The following SIL1 variants were observed in gnomAD, a reference collection of about 807,000 sequenced individuals.
SIL1 encodes the protein nucleotide exchange factor SIL1.
In SIL1, 40 loss-of-function variants were observed where a neutral mutation model predicts 49.1. That is an observed-to-expected ratio of 0.81 (90% CI 0.63 to 1.06). The LOEUF (loss-of-function observed/expected upper bound fraction) is 1.06, where lower values mean the gene tolerates loss of function less well. Among genes scored for constraint, SIL1 ranks in the 50% least tolerant of loss-of-function variants. The pLI, the probability that SIL1 is intolerant of heterozygous loss-of-function variation, is 0.00. For synonymous variants in SIL1, 253 were observed against 250.8 expected (o/e 1.01, Z -0.08); for missense variants, 500 against 572.6 (o/e 0.87, Z 1.29).
At chr5:139,055,889 T>A (rs1368851509) in intron 3 of SIL1, among the ~76,000 whole-genome samples, 1 of 151,946 alleles carries the variant, frequency 6.6e-6, no homozygotes, top group African/African-American at 2.4e-5. Context: ...GCCGGGCCAG[T>A]CTCCAGCTCC....
In SIL1 at chr5:138,951,350, C is replaced by T. The variant is rs1485276970; in HGVS notation, c.865-15G>A. ...GCAAACAGGACCTGGGGGCACAGAC[C>T]CAGGGGTAGGTGAGGGGCCAAGCGA... On this transcript the variant is annotated splice_polypyrimidine_tract_variant and intron_variant, in intron 8 of 9. Transcript: ENST00000394817. 7.7e-6 allele frequency: 12 copies of T among 1,551,698 alleles called. No homozygotes were observed. Among genetic ancestry groups the T allele is most frequent in the East Asian group, 2.4e-5 (1 of 41,018 alleles).
intron 6 of SIL1, chr5:139,022,197 AT>A (rs1411775040): frequency 1.3e-5 from 2 of 152,342 alleles, no homozygotes; most frequent in African/African-American, 4.8e-5. Flanking sequence ...CCATATGCTA[AT>A]CCCACGCTAT....
Position 139,021,404 on chromosome 5 carries a change from T to G in SIL1, c.646-112A>C, listed in dbSNP as rs116502716. Reference sequence around the variant, plus strand: ...AACAAATTAAAAAGCCATGGAAAAATCAATAATGGCCTTTTTGACTAAGAA... The same window carrying G: ...AACAAATTAAAAAGCCATGGAAAAAGCAATAATGGCCTTTTTGACTAAGAA... On this transcript the variant is annotated intron_variant, in intron 6 of 9. Transcript: ENST00000394817. The G allele has an allele frequency of 2.8e-3, 4,124 of 1,482,384 alleles. 65 individuals carry two copies. The African/African-American group carries it at 0.043, about 15-fold the overall frequency. The allele number at this position is 1,482,384 out of a possible 1,614,324, so 91.8% of individuals were successfully genotyped here.
intron 2 of SIL1, among the ~76,000 whole-genome samples, chr5:139,126,345 GT>G (rs1426557745): frequency 2.0e-5 from 3 of 152,320 alleles, no homozygotes; most frequent in Middle Eastern, 3.4e-3. Flanking sequence ...CATCTATTTG[GT>G]TGGACTATTA....
chr5:139,080,004 TACACTTCTGATCTTAAACAAA>T (rs1354467184), intron 3 of SIL1, among the ~76,000 whole-genome samples: 1 of 152,112 alleles, frequency 6.6e-6, no homozygotes, highest in Non-Finnish European at 1.5e-5. Context: ...AACCTATATT[TACACTTCTGATCTTAAACAAA>T]ATAATTTCTT....
At chr5:138,958,441 T>C (rs747731364) in intron 7 of SIL1, among the ~76,000 whole-genome samples, 33 of 152,228 alleles carry the variant, frequency 2.2e-4, no homozygotes, top group Non-Finnish European at 4.1e-4. Flanking sequence ...TATTTGTTCC[T>C]CTGAAATTAA....
intron 7 of SIL1, among the ~76,000 whole-genome samples, chr5:138,956,442 C>T (rs1766903284): frequency 6.6e-6 from 1 of 152,172 alleles, no homozygotes; most frequent in Non-Finnish European, 1.5e-5. Flanking sequence ...GGTAATCAAT[C>T]AGTTAAGATA....
At chr5:139,095,103 AT>A (rs1770426096) in intron 3 of SIL1, among the ~76,000 whole-genome samples, 1 of 152,186 alleles carries the variant, frequency 6.6e-6, no homozygotes, top group Non-Finnish European at 1.5e-5. Context: ...GATACCCTTG[AT>A]CACAGGTAGT....
intron 1 of SIL1, among the ~76,000 whole-genome samples, chr5:139,175,254 G>A (rs572134724): frequency 4.6e-5 from 7 of 152,252 alleles, no homozygotes; most frequent in East Asian, 1.9e-4. Context: ...GCCGGGAGGC[G>A]GAGGTTGCAG....
chr5:139,184,361 T>A (rs1035287607), intron 1 of SIL1, among the ~76,000 whole-genome samples: 2 of 152,100 alleles, frequency 1.3e-5, no homozygotes, highest in Admixed American at 6.6e-5. Context: ...AGCCTCAATA[T>A]TTTACCACCA....
intron 7 of SIL1, among the ~76,000 whole-genome samples, chr5:138,989,078 A>G (rs746037028): frequency 6.6e-6 from 1 of 152,230 alleles, no homozygotes; most frequent in Non-Finnish European, 1.5e-5. Context: ...GGAAGGACAC[A>G]GTGGAGGATA....
chr5:139,189,029 A>G (rs184330582), intron 1 of SIL1, among the ~76,000 whole-genome samples: 73 of 152,342 alleles, frequency 4.8e-4, no homozygotes, highest in Admixed American at 4.1e-3. Context: ...ATACAAACCA[A>G]CTAAGACAAC....
At chr5:139,128,512 G>A (rs541053029) in intron 1 of SIL1, among the ~76,000 whole-genome samples, 7 of 152,164 alleles carry the variant, frequency 4.6e-5, no homozygotes, top group Non-Finnish European at 1.0e-4. Flanking sequence ...AGCTAGGCAT[G>A]GTGGTGTGAG....
chr5:139,055,616 C>G (rs1298626300), intron 3 of SIL1, among the ~76,000 whole-genome samples: 1 of 116,290 alleles, frequency 8.6e-6, no homozygotes, highest in African/African-American at 3.6e-5. Flanking sequence ...CCCTCTCCCT[C>G]TCCCCCTCTC....
intron 3 of SIL1, among the ~76,000 whole-genome samples, chr5:139,091,781 T>G (rs1256912463): frequency 6.6e-6 from 1 of 152,194 alleles, no homozygotes; most frequent in African/African-American, 2.4e-5. Flanking sequence ...TGTGAGACCC[T>G]GAACAGAAGA....
At chr5:138,992,394 G>A (rs1767777988) in intron 7 of SIL1, among the ~76,000 whole-genome samples, 1 of 152,174 alleles carries the variant, frequency 6.6e-6, no homozygotes. Flanking sequence ...ATGCTCTTGG[G>A]TGAGGACCCT....
At chr5:139,193,841 C>T (rs1443153146) in intron 1 of SIL1, among the ~76,000 whole-genome samples, 5 of 152,168 alleles carry the variant, frequency 3.3e-5, no homozygotes, top group Non-Finnish European at 7.4e-5. Context: ...CCACTCTTCT[C>T]AAGAGAGAGA....
chr5:139,186,018 T>C (rs183835576), intron 1 of SIL1, among the ~76,000 whole-genome samples: 58 of 152,354 alleles, frequency 3.8e-4, no homozygotes, highest in Non-Finnish European at 7.8e-4. Context: ...TTCTCAGAGA[T>C]GTCATTAACA....
chr5:139,103,903 G>T (rs1452341032), intron 3 of SIL1, among the ~76,000 whole-genome samples: 1 of 152,176 alleles, frequency 6.6e-6, no homozygotes, highest in Non-Finnish European at 1.5e-5. Flanking sequence ...TGCAGGCCTG[G>T]GAAGGCTCCA....
Sources: allele counts gnomAD v4.1 joint callset (sites outside exome capture counted in the v4.1 genomes callset), GRCh38; gene constraint gnomAD v4.1.1; transcripts MANE v1.5; gene names NCBI Gene and HGNC (gene_info 2026-07-23, HGNC 2026-07-21).